Variants in DPP10 observed in about 807,000 individuals in gnomAD.
DPP10 encodes the protein inactive dipeptidyl peptidase 10.
DPP10 carries 33 observed loss-of-function variants against 120.9 expected under a neutral mutation model. That is an observed-to-expected ratio of 0.27 (90% confidence interval 0.21 to 0.37). The LOEUF is 0.37. Among genes scored for constraint, DPP10 ranks in the 10% least tolerant of loss-of-function variants. DPP10 has a pLI of 1.00. For synonymous variants in DPP10, 337 were observed against 326.1 expected (o/e 1.03, Z -0.36); for missense variants, 816 against 942.8 (o/e 0.87, Z 1.76).
At chr2:114,534,318 A>G (rs1359665630) in intron 1 of DPP10, among the ~76,000 whole-genome samples, 1 of 151,772 alleles carries the variant, frequency 6.6e-6, no homozygotes, top group African/African-American at 2.4e-5. Context: ...GGGTCTCTGT[A>G]TTCTATTTTA....
chr2:115,024,951 G>T (rs1200882306), intron 1 of DPP10, among the ~76,000 whole-genome samples: 1 of 150,070 alleles, frequency 6.7e-6, no homozygotes, highest in Non-Finnish European at 1.5e-5. Flanking sequence ...ATATTAATTT[G>T]TAAATCTAAT....
chr2:114,712,242 C>T (rs1701075778), intron 1 of DPP10, among the ~76,000 whole-genome samples: 2 of 152,180 alleles, frequency 1.3e-5, no homozygotes, highest in African/African-American at 4.8e-5. Context: ...ATTGCTTGAA[C>T]TCAGGAGATG....
chr2:115,198,291 T>C (rs1201930206), intron 1 of DPP10, among the ~76,000 whole-genome samples: 2 of 152,178 alleles, frequency 1.3e-5, no homozygotes, highest in East Asian at 3.9e-4. Flanking sequence ...ACCCTGGTAC[T>C]TTTCTGGATT....
intron 5 of DPP10, among the ~76,000 whole-genome samples, chr2:115,573,649 GCA>G: frequency 7.3e-6 from 1 of 136,678 alleles, no homozygotes; most frequent in East Asian, 2.3e-4. Flanking sequence ...GTGCAGTAGC[GCA>G]ATCTTGGCTC....
chr2:114,482,220 C>T (rs938031182), intron 1 of DPP10, among the ~76,000 whole-genome samples: 2 of 152,042 alleles, frequency 1.3e-5, no homozygotes, highest in Non-Finnish European at 2.9e-5. Context: ...TTAAAAAATG[C>T]CAATGTTTTA....
intron 13 of DPP10, among the ~76,000 whole-genome samples, chr2:115,771,530 G>A (rs1681470143): frequency 6.6e-6 from 1 of 151,996 alleles, no homozygotes; most frequent in African/African-American, 2.4e-5. Flanking sequence ...ACCCAGGCAG[G>A]GTATATCCAT....
At chr2:114,501,996 T>C (rs1462252235) in intron 1 of DPP10, among the ~76,000 whole-genome samples, 5 of 148,142 alleles carry the variant, frequency 3.4e-5, no homozygotes, top group African/African-American at 1.0e-4. Context: ...AGTGTAGTGG[T>C]GCAATCTTGG....
chr2:115,537,427 A>G (rs1446248544), intron 5 of DPP10, among the ~76,000 whole-genome samples: 3 of 152,048 alleles, frequency 2.0e-5, no homozygotes, highest in Non-Finnish European at 4.4e-5. Flanking sequence ...TTTGGCAAAT[A>G]TTAGGTTGAA....
intron 5 of DPP10, among the ~76,000 whole-genome samples, chr2:115,532,020 C>T (rs7570581): frequency 0.57 from 86,703 of 151,898 alleles, 26,181 homozygotes; most frequent in Non-Finnish European, 0.69. Flanking sequence ...AATTGATCCA[C>T]TCTACTGTTG....
At chr2:114,766,405 C>T (rs1680706476) in intron 1 of DPP10, among the ~76,000 whole-genome samples, 1 of 152,140 alleles carries the variant, frequency 6.6e-6, no homozygotes. Context: ...ATTAAATATG[C>T]AATTACTATT....
intron 5 of DPP10, among the ~76,000 whole-genome samples, chr2:115,627,479 C>T (rs1354747917): frequency 6.6e-6 from 1 of 152,136 alleles, no homozygotes; most frequent in African/African-American, 2.4e-5. Flanking sequence ...CCCCAGTACT[C>T]ATGGGAGGAT....
intron 3 of DPP10, among the ~76,000 whole-genome samples, chr2:115,422,980 G>A (rs185964780): frequency 2.0e-5 from 3 of 152,112 alleles, no homozygotes; most frequent in East Asian, 1.9e-4. Context: ...TCTCTAAAGC[G>A]TCACTGTCCA....
intron 1 of DPP10, among the ~76,000 whole-genome samples, chr2:115,134,300 C>G (rs1244256386): frequency 6.6e-6 from 1 of 152,128 alleles, no homozygotes; most frequent in Non-Finnish European, 1.5e-5. Flanking sequence ...TGTTACATGT[C>G]AGTAGCATTA....
intron 1 of DPP10, among the ~76,000 whole-genome samples, chr2:115,260,783 T>A (rs189326335): frequency 6.6e-6 from 1 of 152,304 alleles, no homozygotes; most frequent in Non-Finnish European, 1.5e-5. Context: ...AAGTGTTCTT[T>A]TGAGAAATGG....
chr2:115,840,840 G>A lies in DPP10; in HGVS notation c.2256+17G>A. On this transcript the variant is annotated intron_variant, in intron 25 of 25. Coordinates refer to ENST00000410059, the MANE Select transcript of DPP10 (RefSeq NM_020868.6). The stretch of plus-strand genomic sequence containing the variant: ...ACTATGCAGGTAAGCTACTTTCTTA[G>A]AAGAACGTGTTTTCCTGCTGTGTTT... 9 of 1,603,764 alleles carry A rather than the reference G, an allele frequency of 5.6e-6. No homozygotes were observed. The highest frequency in any genetic ancestry group is 7.7e-6 in the Non-Finnish European group (9 of 1,173,960).
intron 5 of DPP10, among the ~76,000 whole-genome samples, chr2:115,596,812 G>A (rs1274898177): frequency 5.9e-5 from 9 of 152,228 alleles, no homozygotes. Flanking sequence ...TTAAACAATG[G>A]TAAACACTTT....
intron 1 of DPP10, among the ~76,000 whole-genome samples, chr2:114,474,422 G>A (rs1417308314): frequency 2.0e-5 from 3 of 152,160 alleles, no homozygotes; most frequent in African/African-American, 7.2e-5. Flanking sequence ...TCCTGGCCAA[G>A]TCAACCCTAT....
chr2:115,177,753 TG>T (rs2053791674), intron 1 of DPP10, among the ~76,000 whole-genome samples: 1 of 109,530 alleles, frequency 9.1e-6, no homozygotes, highest in Admixed American at 8.8e-5. Context: ...TGTTTTGTTT[TG>T]TTTTTGTTTT....
intron 3 of DPP10, among the ~76,000 whole-genome samples, chr2:115,443,865 A>G (rs994564324): frequency 2.0e-5 from 3 of 152,308 alleles, no homozygotes; most frequent in East Asian, 1.9e-4. Flanking sequence ...ATTCTTTGTT[A>G]CAGGAGTCTG....
Sources: allele counts gnomAD v4.1 joint callset (sites outside exome capture counted in the v4.1 genomes callset), GRCh38; gene constraint gnomAD v4.1.1; transcripts MANE v1.5; gene names NCBI Gene and HGNC (gene_info 2026-07-23, HGNC 2026-07-21).